The following CDH13 variants were observed in gnomAD, a reference collection of about 807,000 sequenced individuals.
The protein encoded by CDH13 is cadherin 13.
CDH13 carries 24 observed loss-of-function variants against 63.8 expected under a neutral mutation model. That is an observed-to-expected ratio of 0.38 (90% CI 0.27 to 0.53). CDH13 has a LOEUF of 0.53. CDH13 is among the 20% of genes least tolerant of loss of function. CDH13 has a pLI of 0.85. For synonymous variants in CDH13, 503 were observed against 355.3 expected (o/e 1.42, Z -4.67); for missense variants, 1,049 against 903.1 (o/e 1.16, Z -2.07).
chr16:82,899,802 G>A (rs966298496), intron 2 of CDH13, among the ~76,000 whole-genome samples: 3 of 152,150 alleles, frequency 2.0e-5, no homozygotes, highest in Non-Finnish European at 2.9e-5. Context: ...AAAGTGAATC[G>A]CTATGTGTTC....
chr16:83,505,341 G>T (rs1475443986), intron 7 of CDH13, among the ~76,000 whole-genome samples: 1 of 152,104 alleles, frequency 6.6e-6, no homozygotes, highest in Non-Finnish European at 1.5e-5. Flanking sequence ...CTAGGACTCA[G>T]AAGTGCTTTG....
intron 4 of CDH13, among the ~76,000 whole-genome samples, chr16:83,188,247 G>A (rs925775527): frequency 1.9e-4 from 29 of 152,194 alleles, no homozygotes; most frequent in Admixed American, 1.7e-3. Flanking sequence ...GATGGGGCAA[G>A]GGTAGGAACA....
At chr16:83,417,136 G>T (rs568494390) in intron 6 of CDH13, among the ~76,000 whole-genome samples, 3 of 152,124 alleles carry the variant, frequency 2.0e-5, no homozygotes, top group Non-Finnish European at 4.4e-5. Flanking sequence ...AGGTTAATTA[G>T]CCCAAGGACA....
chr16:83,363,920 G>A (rs1395147578), intron 6 of CDH13, among the ~76,000 whole-genome samples: 2 of 152,174 alleles, frequency 1.3e-5, no homozygotes, highest in African/African-American at 4.8e-5. Flanking sequence ...CCTTGGGAGT[G>A]TAAGCACCTA....
chr16:83,447,096 C>CTTT lies in CDH13; in HGVS notation c.782-39353_782-39351dup, dbSNP rs750432481. 3.5e-3 allele frequency among the ~76,000 whole-genome samples: 146 copies of CTTT among 41,492 alleles called. 13 individuals carry two copies. Among genetic ancestry groups the CTTT allele is most frequent in the Non-Finnish European group, 4.7e-3 (99 of 21,100 alleles). The allele number at this position is 41,492 out of a possible 152,430, so 27.2% of individuals were successfully genotyped here. ...AAAACAAAAAACACCTTATAGTAAC[C>CTTT]TTTTTTTTTTTTTTTTTTTTTTTTT... On this transcript the variant is annotated intron_variant, in intron 6 of 13. Coordinates refer to ENST00000567109, the MANE Select transcript of CDH13 (RefSeq NM_001257.5).
At chr16:82,916,402 C>T (rs1447050631) in intron 2 of CDH13, among the ~76,000 whole-genome samples, 1 of 151,982 alleles carries the variant, frequency 6.6e-6, no homozygotes, top group Non-Finnish European at 1.5e-5. Context: ...CGTGAAACCC[C>T]GTCTCTACTA....
At chr16:83,325,485 T>C (rs1250313430) in intron 5 of CDH13, among the ~76,000 whole-genome samples, 1 of 152,196 alleles carries the variant, frequency 6.6e-6, no homozygotes, top group African/African-American at 2.4e-5. Context: ...ACTTTAGGCC[T>C]TGCGAGTCAT....
intron 2 of CDH13, among the ~76,000 whole-genome samples, chr16:82,958,653 C>G (rs927582378): frequency 6.6e-6 from 1 of 152,200 alleles, no homozygotes; most frequent in Non-Finnish European, 1.5e-5. Flanking sequence ...AGGTCTGAAG[C>G]TCTGTAGAGA....
chr16:83,645,373 C>G (rs1227602247), intron 8 of CDH13, among the ~76,000 whole-genome samples: 7 of 151,988 alleles, frequency 4.6e-5, no homozygotes, highest in Non-Finnish European at 1.0e-4. Context: ...AACGTGGAAA[C>G]AATAGACAGT....
At chr16:83,544,233 A>G (rs1227332049) in intron 7 of CDH13, among the ~76,000 whole-genome samples, 1 of 152,162 alleles carries the variant, frequency 6.6e-6, no homozygotes, top group Non-Finnish European at 1.5e-5. Flanking sequence ...CCAATGTCAT[A>G]TAGGGTGGAG....
intron 6 of CDH13, among the ~76,000 whole-genome samples, chr16:83,407,824 T>C (rs9935337): frequency 0.012 from 1,865 of 151,634 alleles, 39 homozygotes; most frequent in African/African-American, 0.043. Context: ...ACTCATCTGT[T>C]TTCTTTTTGT....
At chr16:83,217,711 A>C (rs1400088329) in intron 5 of CDH13, among the ~76,000 whole-genome samples, 1 of 152,166 alleles carries the variant, frequency 6.6e-6, no homozygotes, top group African/African-American at 2.4e-5. Flanking sequence ...CCAGGCCTGC[A>C]TCAGACTTTG....
intron 10 of CDH13, among the ~76,000 whole-genome samples, chr16:83,701,058 A>G (rs1906147374): frequency 1.3e-5 from 2 of 152,146 alleles, no homozygotes; most frequent in East Asian, 3.9e-4. Flanking sequence ...TTCTAGGGAC[A>G]TTTTTCATGT....
chr16:82,666,415 A>G (rs900069925), intron 1 of CDH13, among the ~76,000 whole-genome samples: 4 of 152,296 alleles, frequency 2.6e-5, no homozygotes, highest in Middle Eastern at 3.4e-3. Context: ...TCTCCAATCA[A>G]TGGATGACCA....
intron 3 of CDH13, among the ~76,000 whole-genome samples, chr16:83,045,313 T>C (rs1917674608): frequency 6.6e-6 from 1 of 152,208 alleles, no homozygotes; most frequent in South Asian, 2.1e-4. Flanking sequence ...GCATGAGATT[T>C]CCAAATGTAA....
chr16:82,695,772 A>G (rs1235815437), intron 1 of CDH13, among the ~76,000 whole-genome samples: 1 of 152,190 alleles, frequency 6.6e-6, no homozygotes, highest in Non-Finnish European at 1.5e-5. Flanking sequence ...ATGGTGCTAT[A>G]CCATGCAGCC....
intron 2 of CDH13, among the ~76,000 whole-genome samples, chr16:82,942,248 G>A (rs571589692): frequency 6.6e-6 from 1 of 152,220 alleles, no homozygotes; most frequent in Non-Finnish European, 1.5e-5. Context: ...GATTTTTCCA[G>A]TTGCTGCCGC....
intron 6 of CDH13, among the ~76,000 whole-genome samples, chr16:83,440,752 T>G (rs1422665335): frequency 7.1e-6 from 1 of 140,694 alleles, no homozygotes; most frequent in Non-Finnish European, 1.5e-5. Flanking sequence ...GCCACCGCAC[T>G]CCAGCCTGGG....
At chr16:83,521,410 G>C (rs949959272) in intron 7 of CDH13, among the ~76,000 whole-genome samples, 1 of 152,018 alleles carries the variant, frequency 6.6e-6, no homozygotes, top group African/African-American at 2.4e-5. Flanking sequence ...TAATAGAGTA[G>C]TAGCGGCCAG....
Sources: gnomAD v4.1 joint callset for allele counts (sites outside exome capture counted in the v4.1 genomes callset) on GRCh38, gnomAD v4.1.1 for gene constraint, MANE v1.5 for transcripts, NCBI Gene and HGNC (gene_info 2026-07-23, HGNC 2026-07-21) for gene names.